Variants in MYO5B observed in about 807,000 individuals in gnomAD.
MYO5B encodes myosin VB.
A neutral mutation model predicts 229.3 loss-of-function variants in MYO5B; 143 were observed. The ratio of observed to expected loss-of-function variants is 0.62; its 90% CI spans 0.54 to 0.72. The LOEUF (loss-of-function observed/expected upper bound fraction) is 0.72, where lower values mean the gene tolerates loss of function less well. Among genes scored for constraint, MYO5B ranks in the 30% least tolerant of loss-of-function variants. The pLI, the probability that MYO5B is intolerant of heterozygous loss-of-function variation, is 0.00. For synonymous variants in MYO5B, 918 were observed against 885.2 expected (o/e 1.04, Z -0.66); for missense variants, 2,321 against 2,331.0 (o/e 1.00, Z 0.09).
intron 7 of MYO5B, among the ~76,000 whole-genome samples, chr18:49,987,446 C>G (rs1442836032): frequency 6.6e-6 from 1 of 152,162 alleles, no homozygotes; most frequent in Non-Finnish European, 1.5e-5. Flanking sequence ...TGAACACTGA[C>G]TATCCCATCC....
chr18:50,074,852 A>T (rs2031041870), intron 1 of MYO5B, among the ~76,000 whole-genome samples: 2 of 151,742 alleles, frequency 1.3e-5, no homozygotes. Context: ...ATGGAGTCTC[A>T]CTCTGTCGCC....
chr18:50,176,050 C>T (rs2032991914), intron 1 of MYO5B, among the ~76,000 whole-genome samples: 3 of 152,238 alleles, frequency 2.0e-5, no homozygotes, highest in Admixed American at 2.0e-4. Context: ...TCCTCACATG[C>T]TATGGTTTCC....
At chr18:50,153,922 T>C (rs1271346735) in intron 1 of MYO5B, among the ~76,000 whole-genome samples, 2 of 152,114 alleles carry the variant, frequency 1.3e-5, no homozygotes, top group South Asian at 4.1e-4. Context: ...TCTGGGCACC[T>C]CTCCACCACC....
chr18:49,953,252 C>T lies in MYO5B; in HGVS notation c.1752+8G>A. On this transcript the variant is annotated splice_region_variant and intron_variant, in intron 14 of 39. Transcript: ENST00000285039. ...CCTGCTCCACTCCCCACTTCTGACA[C>T]TCTTTACCTTGCTGGCCTTCAGGAT... 6.2e-7 allele frequency: 1 copy of T among 1,613,694 alleles called. No individual in the cohort carries two copies. The highest frequency in any genetic ancestry group is 8.5e-7 in the Non-Finnish European group (1 of 1,179,614).
chr18:50,036,741 G>A, intron 4 of MYO5B, 109 bp downstream of exon 4: 1 of 1,309,452 alleles, frequency 7.6e-7, no homozygotes. Flanking sequence ...TGTTTCCTCA[G>A]TCCCAATCTC....
At position 50,055,313 on chromosome 18, in the gene MYO5B, G is replaced by A; in HGVS notation, c.93C>T (p.Tyr31=). Residue 31 remains tyrosine (Y), a synonymous_variant, in exon 2 of 40, where the codon TAC becomes TAT. Coordinates refer to ENST00000285039, the MANE Select transcript of MYO5B (RefSeq NM_001080467.3). The stretch of plus-strand genomic sequence containing the variant: ...GCTGTAGGCTCTTGTCTCCTTCTTT[G>A]TAGTCCTTGGTTAACTCAGCTGAGC... ...VWRSAELTKD[Y]KEGDKSLQLR... 2.0e-6 allele frequency: 3 copies of A among 1,537,848 alleles called. No homozygotes were observed. The highest frequency in any genetic ancestry group is 2.6e-6 in the Non-Finnish European group (3 of 1,141,570).
At chr18:49,861,058 C>G (rs1432053223) in intron 29 of MYO5B, among the ~76,000 whole-genome samples, 1 of 152,170 alleles carries the variant, frequency 6.6e-6, no homozygotes, top group Non-Finnish European at 1.5e-5. Flanking sequence ...CCACCATGGC[C>G]ACTTCCACAG....
At chr18:49,860,020 G>A (rs149415997) in intron 29 of MYO5B, among the ~76,000 whole-genome samples, 3 of 152,176 alleles carry the variant, frequency 2.0e-5, no homozygotes, top group Admixed American at 6.5e-5. Context: ...CCCCAGGTGC[G>A]CCCGACCAAG....
chr18:50,036,881 C>T lies in MYO5B; in HGVS notation c.424G>A (p.Val142Met). 1 of 1,614,168 alleles carries T rather than the reference C, an allele frequency of 6.2e-7. No homozygotes were observed. Among genetic ancestry groups the T allele is most frequent in the African/African-American group, 1.3e-5 (1 of 75,022 alleles). The part of the protein sequence containing the change: ...MGDMDPHIFA[V>M]AEEAYKQMAR... ...ATCTGCTTGTAGGCTTCTTCTGCCACAGCAAAGATGTGGGGGTCCATGTCT... is the reference window on the plus strand; with the variant it reads ...ATCTGCTTGTAGGCTTCTTCTGCCATAGCAAAGATGTGGGGGTCCATGTCT... Residue 142 changes from valine to methionine, a missense_variant, in exon 4 of 40, where the codon GTG (valine) becomes ATG (methionine). By Grantham distance (21) the Val-to-Met change is conservative (BLOSUM62 1). This residue lies in a region of MYO5B where 2,113 missense variants were observed against 2,044.7 expected (regional missense o/e 1.03). Coordinates refer to ENST00000285039, the MANE Select transcript of MYO5B (RefSeq NM_001080467.3).
chr18:49,846,474 G>A (rs1018771664), intron 33 of MYO5B, among the ~76,000 whole-genome samples: 1 of 152,158 alleles, frequency 6.6e-6, no homozygotes, highest in Non-Finnish European at 1.5e-5. Context: ...GAACACTGGT[G>A]AGTAGCACAG....
Position 49,976,871 on chromosome 18 carries a change from G to A in MYO5B, c.1057-2256C>T, listed in dbSNP as rs1219402323. ...TAGTAGAGTTAAGTGCCTGGGGACCGCTTGGCAGGCAACAAGTTCAGAGGT... is the reference window on the plus strand; with the variant it reads ...TAGTAGAGTTAAGTGCCTGGGGACCACTTGGCAGGCAACAAGTTCAGAGGT... On this transcript the variant is annotated intron_variant, in intron 9 of 39. Coordinates refer to ENST00000285039, the MANE Select transcript of MYO5B (RefSeq NM_001080467.3). 5.3e-5 allele frequency among the ~76,000 whole-genome samples: 8 copies of A among 152,184 alleles called. 1 individual carries two copies. In the South Asian group the frequency reaches 6.2e-4, roughly 12 times the overall value.
intron 1 of MYO5B, among the ~76,000 whole-genome samples, chr18:50,148,815 T>C (rs1251230440): frequency 1.3e-5 from 2 of 152,020 alleles, no homozygotes; most frequent in Non-Finnish European, 2.9e-5. Flanking sequence ...TTCAACATAG[T>C]GTTGGAAGTT....
intron 4 of MYO5B, among the ~76,000 whole-genome samples, chr18:50,025,745 C>A (rs72913858): frequency 0.049 from 7,527 of 152,238 alleles, 253 homozygotes; most frequent in Middle Eastern, 0.085. Flanking sequence ...ATCTTCACCC[C>A]ACTGTAAAGG....
intron 2 of MYO5B, among the ~76,000 whole-genome samples, chr18:50,054,983 C>T (rs1211806489): frequency 1.3e-5 from 2 of 152,148 alleles, no homozygotes; most frequent in African/African-American, 4.8e-5. Flanking sequence ...GAGGTCTCAA[C>T]CTCCTGTTCC....
At chr18:49,905,432 CACTT>C (rs1475938948) in intron 19 of MYO5B, among the ~76,000 whole-genome samples, 1 of 152,162 alleles carries the variant, frequency 6.6e-6, no homozygotes, top group Non-Finnish European at 1.5e-5. Flanking sequence ...GCCAGTCTAA[CACTT>C]CCTCCCCTTC....
chr18:50,167,925 C>A (rs906684808), intron 1 of MYO5B, among the ~76,000 whole-genome samples: 10 of 152,128 alleles, frequency 6.6e-5, no homozygotes, highest in African/African-American at 2.4e-4. Context: ...CCATAAAGGC[C>A]ACTGCTGCCC....
intron 1 of MYO5B, among the ~76,000 whole-genome samples, chr18:50,164,655 T>C (rs2032818008): frequency 6.6e-6 from 1 of 152,110 alleles, no homozygotes; most frequent in African/African-American, 2.4e-5. Context: ...TAGGTAAATG[T>C]GTGTCATGGT....
intron 1 of MYO5B, among the ~76,000 whole-genome samples, chr18:50,191,733 A>G (rs1379884066): frequency 6.6e-6 from 1 of 152,204 alleles, no homozygotes; most frequent in Non-Finnish European, 1.5e-5. Context: ...AAAAATTCAC[A>G]TGGATTTCAG....
At chr18:49,931,412 G>C (rs548006822) in intron 16 of MYO5B, among the ~76,000 whole-genome samples, 1 of 152,006 alleles carries the variant, frequency 6.6e-6, no homozygotes, top group Non-Finnish European at 1.5e-5. Flanking sequence ...AAATCTTCCC[G>C]ACTCCTCCAG....
Sources: gnomAD v4.1 joint callset for allele counts (sites outside exome capture counted in the v4.1 genomes callset) on GRCh38, gnomAD v4.1.1 for gene constraint, gnomAD v4.1.1 regional missense constraint, MANE v1.5 for transcripts, NCBI Gene and HGNC (gene_info 2026-07-23, HGNC 2026-07-21) for gene names.